The following CHSY3 variants were observed in gnomAD, a reference collection of about 807,000 sequenced individuals.
The protein encoded by CHSY3 is N-acetylgalactosaminyl-proteoglycan 3-beta-glucuronosyltransferase 3.
Under a neutral mutation model 67.2 loss-of-function variants are expected in CHSY3, and 35 were observed. The observed-to-expected ratio is 0.52, with a 90% confidence interval of 0.40 to 0.69. The LOEUF is 0.69. Ranked by LOEUF, CHSY3 falls within the 30% of genes least tolerant of loss-of-function variation. CHSY3 has a pLI of 0.00. For synonymous variants in CHSY3, 474 were observed against 434.7 expected (o/e 1.09, Z -1.12); for missense variants, 1,069 against 1,138.5 (o/e 0.94, Z 0.88).
At chr5:129,967,889 C>T (rs1762513996) in intron 2 of CHSY3, among the ~76,000 whole-genome samples, 1 of 151,598 alleles carries the variant, frequency 6.6e-6, no homozygotes, top group African/African-American at 2.4e-5. Flanking sequence ...ATTTAATTTC[C>T]TGGAAAGTCA....
intron 2 of CHSY3, among the ~76,000 whole-genome samples, chr5:130,129,373 T>A (rs2149713061): frequency 6.6e-6 from 1 of 152,296 alleles, no homozygotes; most frequent in South Asian, 2.1e-4. Flanking sequence ...GATATGCCAC[T>A]AGTTGCACAT....
At chr5:129,990,010 T>C (rs1016416375) in intron 2 of CHSY3, among the ~76,000 whole-genome samples, 3 of 152,166 alleles carry the variant, frequency 2.0e-5, no homozygotes, top group African/African-American at 7.2e-5. Flanking sequence ...CTGAGGTTTG[T>C]GGACCCCTGA....
In CHSY3 at chr5:130,083,640, G is replaced by A. The variant is rs867736254; in HGVS notation, c.1087-100589G>A. Among the ~76,000 whole-genome samples the A allele has an allele frequency of 1.7e-4, 26 of 152,090 alleles. No individual in the cohort carries two copies. The South Asian group carries it at 2.1e-3, about 12-fold the overall frequency. ...AAATGAATGTTTGAGATAATAAGGG[G>A]TTTAGTTCCTTATGTGCTTTTTCAT... On this transcript the variant is annotated intron_variant, in intron 2 of 2. Transcript: ENST00000305031.
chr5:129,973,076 A>G (rs1762691145), intron 2 of CHSY3, among the ~76,000 whole-genome samples: 1 of 151,902 alleles, frequency 6.6e-6, no homozygotes, highest in African/African-American at 2.4e-5. Context: ...TATCCCCTCA[A>G]TAACTCTTTC....
At chr5:130,087,880 A>G (rs1461967014) in intron 2 of CHSY3, among the ~76,000 whole-genome samples, 2 of 151,274 alleles carry the variant, frequency 1.3e-5, no homozygotes, top group African/African-American at 4.8e-5. Flanking sequence ...TAAAGTTCAT[A>G]TGGAACCAAA....
At chr5:129,981,207 G>A (rs1262516116) in intron 2 of CHSY3, among the ~76,000 whole-genome samples, 1 of 146,448 alleles carries the variant, frequency 6.8e-6, no homozygotes, top group East Asian at 2.1e-4. Context: ...GGCGAAAGAG[G>A]GAGACTCCGT....
intron 2 of CHSY3, among the ~76,000 whole-genome samples, chr5:129,959,241 T>C (rs948558498): frequency 2.0e-5 from 3 of 152,170 alleles, no homozygotes; most frequent in African/African-American, 7.2e-5. Flanking sequence ...TATATGTAAA[T>C]AATATTGGTT....
chr5:130,170,355 A>G (rs960807283), intron 2 of CHSY3, among the ~76,000 whole-genome samples: 3 of 152,110 alleles, frequency 2.0e-5, no homozygotes, highest in Non-Finnish European at 2.9e-5. Context: ...CATGGTGTGT[A>G]TATACCACAT....
intron 2 of CHSY3, among the ~76,000 whole-genome samples, chr5:130,169,426 C>T (rs1467885255): frequency 6.6e-6 from 1 of 152,032 alleles, no homozygotes; most frequent in Non-Finnish European, 1.5e-5. Flanking sequence ...CCTCCTTATA[C>T]AGCATTCCAA....
intron 2 of CHSY3, among the ~76,000 whole-genome samples, chr5:129,929,482 A>G (rs1364317230): frequency 6.6e-6 from 1 of 152,058 alleles, no homozygotes; most frequent in South Asian, 2.1e-4. Flanking sequence ...GGGCACACAC[A>G]TCACACTAGA....
At chr5:130,087,458 C>G (rs1180420747) in intron 2 of CHSY3, among the ~76,000 whole-genome samples, 1 of 150,560 alleles carries the variant, frequency 6.6e-6, no homozygotes, top group South Asian at 2.1e-4. Context: ...GATTGTATAT[C>G]TAGAAAACCC....
At chr5:130,150,091 G>T (rs961988536) in intron 2 of CHSY3, among the ~76,000 whole-genome samples, 1 of 152,036 alleles carries the variant, frequency 6.6e-6, no homozygotes, top group Non-Finnish European at 1.5e-5. Flanking sequence ...TCCAAATTTT[G>T]TAAAGTAAGT....
chr5:130,124,014 T>C (rs1169696426), intron 2 of CHSY3, among the ~76,000 whole-genome samples: 1 of 112,398 alleles, frequency 8.9e-6, no homozygotes, highest in Non-Finnish European at 1.6e-5. Flanking sequence ...CACTCCAGCC[T>C]GGGTGACAGA....
rs150126194 is a variant in CHSY3, at chr5:130,096,534, A to G, written c.1087-87695A>G. ...ATCTTCCATGGTTATGTAACATGTT[A>G]ACAGAGGGGAAGCTGTGAAGGATGT... is the stretch of plus-strand genomic sequence containing the variant. On this transcript the variant is annotated intron_variant, in intron 2 of 2. Transcript: ENST00000305031. 6.1e-3 allele frequency among the ~76,000 whole-genome samples: 932 copies of G among 152,294 alleles called. 9 individuals are homozygous for G. The highest frequency in any genetic ancestry group is 0.014 in the Middle Eastern group (4 of 294).
chr5:130,128,007 T>A (rs58319586), intron 2 of CHSY3, among the ~76,000 whole-genome samples: 29,495 of 152,072 alleles, frequency 0.19, 3,602 homozygotes, highest in African/African-American at 0.32. Context: ...TTTGAAGGAA[T>A]TATATCCCAA....
intron 2 of CHSY3, among the ~76,000 whole-genome samples, chr5:130,114,687 G>A (rs1767725194): frequency 6.6e-6 from 1 of 152,174 alleles, no homozygotes; most frequent in Admixed American, 6.5e-5. Flanking sequence ...GTTTCTTTAT[G>A]TGGTATGCCT....
At chr5:130,039,496 C>CACTCTAGCCTGGGTGACAGAGCAA (rs1580674096) in intron 2 of CHSY3, among the ~76,000 whole-genome samples, 1 of 151,948 alleles carries the variant, frequency 6.6e-6, no homozygotes, top group Non-Finnish European at 1.5e-5. Flanking sequence ...GACCCTGTAT[C>CACTCTAGCCTGGGTGACAGAGCAA]TAAAAACAAA....
chr5:130,045,230 G>A (rs6595934), intron 2 of CHSY3, among the ~76,000 whole-genome samples: 1,570 of 152,186 alleles, frequency 0.01, 25 homozygotes, highest in African/African-American at 0.036. Flanking sequence ...TCACCTCCTG[G>A]ACCTGAGGTA....
intron 2 of CHSY3, among the ~76,000 whole-genome samples, chr5:129,922,997 A>G (rs912820440): frequency 2.6e-5 from 4 of 152,366 alleles, no homozygotes; most frequent in African/African-American, 9.6e-5. Flanking sequence ...CACCGTGATC[A>G]GATTACCTCT....
Sources: gnomAD v4.1 joint callset for allele counts (sites outside exome capture counted in the v4.1 genomes callset) on GRCh38, gnomAD v4.1.1 for gene constraint, MANE v1.5 for transcripts, NCBI Gene and HGNC (gene_info 2026-07-23, HGNC 2026-07-21) for gene names.